BUD13: variants seen among roughly 807,000 people sequenced by gnomAD.
BUD13 encodes the protein BUD13 homolog.
BUD13 carries 47 observed loss-of-function variants against 62.5 expected under a neutral mutation model. The observed-to-expected ratio is 0.75, with a 90% CI of 0.60 to 0.96. BUD13 has a LOEUF of 0.96. BUD13 is among the 40% of genes least tolerant of loss of function. The pLI, the probability that BUD13 is intolerant of heterozygous loss-of-function variation, is 0.00. For missense variants in BUD13, 821 were observed against 790.9 expected (o/e 1.04, Z -0.46); for synonymous variants, 293 against 280.1 (o/e 1.05, Z -0.46).
rs368521046 is a variant in BUD13 at position 116,757,863 on chromosome 11, T to C, written c.1587A>G (p.Glu529=). 16 of 1,614,222 alleles carry C rather than the reference T, an allele frequency of 9.9e-6. No individual in the cohort carries two copies. The highest frequency in any genetic ancestry group is 1.4e-5 in the Non-Finnish European group (16 of 1,180,050). The change falls in exon 8 of 10, where the codon GAA becomes GAG. Residue 529 remains glutamate, a synonymous_variant. Transcript: ENST00000260210. ...GTTCTCTTAGCATCCTATCCAGATCTTCGTCATCAATATAGCGGGCCAGAG... is the reference window on the plus strand; with the variant it reads ...GTTCTCTTAGCATCCTATCCAGATCCTCGTCATCAATATAGCGGGCCAGAG... ...QKPLARYIDD[E]DLDRMLREQE...
At chr11:116,759,672 C>T (rs1476390282) in intron 5 of BUD13, among the ~76,000 whole-genome samples, 4 of 152,146 alleles carry the variant, frequency 2.6e-5, no homozygotes, top group Non-Finnish European at 5.9e-5. Context: ...AATCAGCCCA[C>T]GAATGAAGCA....
At position 116,748,452 on chromosome 11, in the gene BUD13, A is replaced by G. The variant is rs1181495895; in HGVS notation, c.*30T>C. On this transcript the variant is annotated 3_prime_UTR_variant, in exon 10 of 10. Coordinates refer to ENST00000260210, the MANE Select transcript of BUD13 (RefSeq NM_032725.4). ...TCTCGCTGCCTATGCCCACTACCAC[A>G]GCCCAGCCACCCCCACAGCCTCAGG... 6.2e-7 allele frequency: 1 copy of G among 1,604,200 alleles called. No homozygotes were observed. Among genetic ancestry groups the G allele is most frequent in the African/African-American group, 1.3e-5 (1 of 74,742 alleles).
In BUD13 at chr11:116,757,850, T is replaced by A. The variant is rs147459892; in HGVS notation, c.1600A>T (p.Met534Leu). 7 of 1,614,082 alleles carry A rather than the reference T, an allele frequency of 4.3e-6. No individual in the cohort carries two copies. Among genetic ancestry groups the A allele is most frequent in the Non-Finnish European group, 5.1e-6 (6 of 1,180,046 alleles). Residue 534 changes from methionine (M) to leucine (L), a missense_variant, in exon 8 of 10, where the codon ATG (methionine) becomes TTG (leucine). Around this residue, in one of 2 missense-constraint regions of BUD13, gnomAD observed 800 missense variants for 739.2 expected, o/e 1.08. Coordinates refer to ENST00000260210, the MANE Select transcript of BUD13 (RefSeq NM_032725.4). The part of the protein sequence containing the change: ...RYIDDEDLDR[M>L]LREQEREGDP... ...CCCTCTCTTTCCTGTTCTCTTAGCA[T>A]CCTATCCAGATCTTCGTCATCAATA...
In BUD13 at chr11:116,757,756, G is replaced by A. The variant is rs762737585; in HGVS notation, c.1684+10C>T. On this transcript the variant is annotated intron_variant, in intron 8 of 9. Transcript: ENST00000260210. ...AGTCACCTCCAGCTGATGATTCCCAGAAGTCCCACCTTTTTTATTCTTGTT... is the reference window on the plus strand; with the variant it reads ...AGTCACCTCCAGCTGATGATTCCCAAAAGTCCCACCTTTTTTATTCTTGTT... 5 of 1,603,368 alleles carry A rather than the reference G, an allele frequency of 3.1e-6. No individual in the cohort carries two copies. Among genetic ancestry groups the A allele is most frequent in the Non-Finnish European group, 4.2e-6 (5 of 1,176,482 alleles).
At chr11:116,752,270 G>A (rs972049128) in intron 9 of BUD13, among the ~76,000 whole-genome samples, 1 of 152,088 alleles carries the variant, frequency 6.6e-6, no homozygotes, top group Non-Finnish European at 1.5e-5. Flanking sequence ...ATTAAGAGAG[G>A]CTGGGTAATT....
At position 116,760,919 on chromosome 11, in the gene BUD13, G is replaced by GA; in HGVS notation, c.1069dup (p.Ser357PhefsTer6). 1 of 1,614,110 alleles carries GA rather than the reference G, an allele frequency of 6.2e-7. No homozygotes were observed. Among genetic ancestry groups the GA allele is most frequent in the Non-Finnish European group, 8.5e-7 (1 of 1,179,994 alleles). On this transcript the variant is annotated frameshift_variant, in exon 5 of 10. Transcript: ENST00000260210. LOFTEE classifies it high-confidence loss of function. ...TGGACTTTGTTTATGCCGTGGAGAA[G>GA]AAAGGTCTGAATCAGTTGCTTTCTG...
chr11:116,749,382 A>T (rs1456603994), intron 9 of BUD13, among the ~76,000 whole-genome samples: 1 of 152,210 alleles, frequency 6.6e-6, no homozygotes, highest in Non-Finnish European at 1.5e-5. Flanking sequence ...GGTGTCATGG[A>T]AACAGAATGG....
chr11:116,765,460 G>C lies in BUD13; in HGVS notation c.238-14C>G. 5 of 1,613,902 alleles carry C rather than the reference G, an allele frequency of 3.1e-6. No homozygotes were observed. The South Asian group carries it at 5.5e-5, about 18-fold the overall frequency. On this transcript the variant is annotated splice_polypyrimidine_tract_variant and intron_variant, in intron 2 of 9. Coordinates refer to ENST00000260210, the MANE Select transcript of BUD13 (RefSeq NM_032725.4). ...AAACTCTGCCACCTGTGAGAGTAAA[G>C]ATTTCCTATCTTAGGAAATCCACAG...
intron 2 of BUD13, among the ~76,000 whole-genome samples, chr11:116,768,893 T>C (rs2134185281): frequency 6.6e-6 from 1 of 151,590 alleles, no homozygotes; most frequent in South Asian, 2.1e-4. Flanking sequence ...TGGGCCCCTG[T>C]AGTCCCAGCT....
chr11:116,748,376 T>G lies in BUD13; in HGVS notation c.*106A>C. 2.1e-6 allele frequency: 2 copies of G among 959,228 alleles called. No individual in the cohort carries two copies. Among genetic ancestry groups the G allele is most frequent in the Non-Finnish European group, 1.6e-6 (1 of 615,408 alleles). The allele number at this position is 959,228 out of a possible 1,614,324, so 59.4% of individuals were successfully genotyped here. On this transcript the variant is annotated 3_prime_UTR_variant, in exon 10 of 10. Coordinates refer to ENST00000260210, the MANE Select transcript of BUD13 (RefSeq NM_032725.4). ...TCAAAACTGGCATTCAACAAGTTGC[T>G]GGTCTGTGTGGGCTCCAATTATTAG...
chr11:116,772,914 C>T lies in BUD13; in HGVS notation c.51G>A (p.Leu17=). ...GGTCGACGCCGGCATCTGCCCCGGA[C>T]AAGTAACGCTTCAGATACTCGGCCT... ...LSKAEYLKRY[L]SGADAGVDRG... Residue 17 remains leucine, a synonymous_variant, in exon 1 of 10, where the codon TTG becomes TTA. Coordinates refer to ENST00000260210, the MANE Select transcript of BUD13 (RefSeq NM_032725.4). 6.3e-7 allele frequency: 1 copy of T among 1,589,974 alleles called. No individual in the cohort carries two copies. Among genetic ancestry groups the T allele is most frequent in the Non-Finnish European group, 8.6e-7 (1 of 1,168,788 alleles).
intron 9 of BUD13, among the ~76,000 whole-genome samples, chr11:116,753,861 T>C (rs927566913): frequency 6.6e-6 from 1 of 152,276 alleles, no homozygotes; most frequent in African/African-American, 2.4e-5. Context: ...TAGTAACTGA[T>C]AGAAAAATAC....
In BUD13 at chr11:116,762,594, G is replaced by T. The variant is rs201050040; in HGVS notation, c.995C>A (p.Ala332Glu). Residue 332 changes from alanine (A) to glutamate (E), a missense_variant, in exon 4 of 10, where the codon GCA becomes GAA. By Grantham distance (107) the Ala-to-Glu change is moderately radical (BLOSUM62 -1). Around this residue, in one of 2 missense-constraint regions of BUD13, gnomAD observed 800 missense variants for 739.2 expected, o/e 1.08. Transcript: ENST00000260210. ...PDISPPRKKQAKSHFGDKKQL... is the reference protein window; with the variant it reads ...PDISPPRKKQEKSHFGDKKQL... ...CTTCTTGTCTCCAAAATGGGATTTTGCTTGCTTTTTTCGTGGAGGAGAGAT... is the reference window on the plus strand; with the variant it reads ...CTTCTTGTCTCCAAAATGGGATTTTTCTTGCTTTTTTCGTGGAGGAGAGAT... The T allele has an allele frequency of 3.7e-6, 6 of 1,613,034 alleles. No individual in the cohort carries two copies. Among genetic ancestry groups the T allele is most frequent in the Non-Finnish European group, 4.2e-6 (5 of 1,179,690 alleles).
chr11:116,765,364 C>G lies in BUD13; in HGVS notation c.320G>C (p.Gly107Ala), dbSNP rs1487345001. The change falls in exon 3 of 10, where the codon GGA (glycine) becomes GCA (alanine). Residue 107 changes from glycine to alanine, a missense_variant and splice_region_variant. By Grantham distance (60) the Gly-to-Ala change is moderately conservative. This residue lies in a region of BUD13 where 800 missense variants were observed against 739.2 expected (regional missense o/e 1.08). Coordinates refer to ENST00000260210, the MANE Select transcript of BUD13 (RefSeq NM_032725.4). ...ATTTATCTATTGTTGGAACTCACCTCCCAGAAGCTTCCATTTGGCACTGGA... is the reference window on the plus strand; with the variant it reads ...ATTTATCTATTGTTGGAACTCACCTGCCAGAAGCTTCCATTTGGCACTGGA... ...FRSSAKWKLL[G>A]GHNEDLPSNR... The G allele has an allele frequency of 7.4e-6, 12 of 1,614,002 alleles. No homozygotes were observed. Among genetic ancestry groups the G allele is most frequent in the Non-Finnish European group, 1.0e-5 (12 of 1,179,990 alleles).
Position 116,772,958 on chromosome 11 carries a change from C to T in BUD13, c.7G>A (p.Ala3Thr). The T allele has an allele frequency of 1.3e-6, 2 of 1,555,186 alleles. No homozygotes were observed. MAAAPPLSKAEYL... is the reference protein window; with the variant it reads MATAPPLSKAEYL... ...TCGGCCTTGGAAAGCGGCGGAGCTG[C>T]CGCCATGGCAGCGGCGGGGGCAGAG... Residue 3 changes from alanine (A) to threonine (T), a missense_variant, in exon 1 of 10, where the codon GCA (alanine) becomes ACA (threonine). Ala to Thr is a moderately conservative substitution (Grantham distance 58, BLOSUM62 0). Transcript: ENST00000260210.
rs765931284 is a variant in BUD13 at position 116,772,932 on chromosome 11, C to T, written c.33G>A (p.Glu11=). Residue 11 remains glutamate (E), a synonymous_variant, in exon 1 of 10, where the codon GAG becomes GAA. Coordinates refer to ENST00000260210, the MANE Select transcript of BUD13 (RefSeq NM_032725.4). ...CCCCGGACAAGTAACGCTTCAGATA[C>T]TCGGCCTTGGAAAGCGGCGGAGCTG... The part of the protein sequence containing the change: MAAAPPLSKA[E]YLKRYLSGAD... 2.0e-5 allele frequency: 32 copies of T among 1,584,388 alleles called. No individual in the cohort carries two copies. The East Asian group carries it at 6.4e-4, about 32-fold the overall frequency.
intron 9 of BUD13, among the ~76,000 whole-genome samples, chr11:116,756,936 A>C (rs1286787388): frequency 6.6e-6 from 1 of 152,244 alleles, no homozygotes; most frequent in Non-Finnish European, 1.5e-5. Context: ...GTTTGTCCAG[A>C]GCTTTAAAAA....
chr11:116,762,501 A>C (rs998288857), intron 4 of BUD13, 52 bp downstream of exon 4: 119 of 1,430,726 alleles, frequency 8.3e-5, no homozygotes, highest in Non-Finnish European at 1.1e-4. Context: ...AACGGCCAAA[A>C]GAAAGCTCCC....
chr11:116,757,019 A>C (rs1469432956), intron 9 of BUD13, 127 bp downstream of exon 9: 9 of 817,214 alleles, frequency 1.1e-5, no homozygotes, highest in Admixed American at 7.7e-5. Context: ...TCAGAAAAAG[A>C]AGCAAGCAAA....
Sources: allele counts gnomAD v4.1 joint callset (sites outside exome capture counted in the v4.1 genomes callset), GRCh38; gene constraint gnomAD v4.1.1; regional missense constraint gnomAD v4.1.1; transcripts MANE v1.5; gene names NCBI Gene and HGNC (gene_info 2026-07-23, HGNC 2026-07-21).